The following DAB1 variants were observed in gnomAD, a reference collection of about 807,000 sequenced individuals.
DAB1 encodes the protein DAB adaptor protein 1.
In DAB1, 15 loss-of-function variants were observed where a neutral mutation model predicts 64.6. The ratio of observed to expected loss-of-function variants is 0.23; its 90% CI spans 0.16 to 0.36. The LOEUF (loss-of-function observed/expected upper bound fraction) is 0.36, where lower values mean the gene tolerates loss of function less well. DAB1 is among the 10% of genes least tolerant of loss of function. The probability of loss-of-function intolerance (pLI) is 1.00; values close to 1 mark genes in which losing one functional copy is unlikely to be tolerated. For missense variants in DAB1, 596 were observed against 706.7 expected (o/e 0.84, Z 1.78); for synonymous variants, 235 against 251.9 (o/e 0.93, Z 0.64).
chr1:57,652,958 T>C (rs1012462010), intron 6 of DAB1, among the ~76,000 whole-genome samples: 18 of 152,318 alleles, frequency 1.2e-4, no homozygotes, highest in Admixed American at 6.5e-5. Flanking sequence ...AGTTTACAAT[T>C]TTACCTTGTT....
intron 7 of DAB1, among the ~76,000 whole-genome samples, chr1:57,615,987 A>G (rs1486830394): frequency 2.6e-5 from 4 of 152,172 alleles, no homozygotes; most frequent in Admixed American, 2.0e-4. Context: ...CTAGAATAGT[A>G]AGGGTACTAA....
chr1:57,178,788 T>C (rs1662603590), intron 2 of DAB1, among the ~76,000 whole-genome samples: 1 of 151,890 alleles, frequency 6.6e-6, no homozygotes, highest in Non-Finnish European at 1.5e-5. Context: ...ATCTGTATTA[T>C]AAAATAAATG....
intron 5 of DAB1, among the ~76,000 whole-genome samples, chr1:57,894,822 T>A (rs1238821881): frequency 2.6e-5 from 4 of 152,096 alleles, no homozygotes; most frequent in Non-Finnish European, 4.4e-5. Flanking sequence ...ACCCAAGGGT[T>A]TGTAGAGGGT....
At chr1:57,766,821 G>GTCTTCCCTAGGCAACACACTCTTCTC (rs1649333910) in intron 6 of DAB1, among the ~76,000 whole-genome samples, 2 of 152,148 alleles carry the variant, frequency 1.3e-5, no homozygotes, top group Non-Finnish European at 2.9e-5. Flanking sequence ...ACGCTCTTCT[G>GTCTTCCCTAGGCAACACACTCTTCTC]TCTAACTTGG....
chr1:57,276,087 A>G (rs369157428), intron 2 of DAB1, among the ~76,000 whole-genome samples: 5 of 152,268 alleles, frequency 3.3e-5, no homozygotes, highest in African/African-American at 1.2e-4. Flanking sequence ...TGTGAGGTTT[A>G]GTGAAAAAGT....
At chr1:58,399,202 G>A (rs1466966164) in intron 3 of DAB1, among the ~76,000 whole-genome samples, 1 of 152,236 alleles carries the variant, frequency 6.6e-6, no homozygotes, top group Non-Finnish European at 1.5e-5. Context: ...TCTGTATAGT[G>A]CTTTGAAGTG....
At chr1:57,337,765 C>T (rs994460774) in intron 1 of DAB1, among the ~76,000 whole-genome samples, 26 of 152,114 alleles carry the variant, frequency 1.7e-4, no homozygotes, top group Admixed American at 1.7e-3. Flanking sequence ...ACTGCTGGGG[C>T]TTCCCTGCTC....
chr1:58,146,353 A>G (rs918224453), intron 5 of DAB1, among the ~76,000 whole-genome samples: 1 of 152,166 alleles, frequency 6.6e-6, no homozygotes, highest in Admixed American at 6.5e-5. Context: ...GTGTGCATGT[A>G]TGTGTGTGAG....
At chr1:57,030,657 C>G (rs1285868504) in intron 9 of DAB1, among the ~76,000 whole-genome samples, 2 of 152,230 alleles carry the variant, frequency 1.3e-5, no homozygotes, top group African/African-American at 4.8e-5. Flanking sequence ...CTCTTTCATA[C>G]AGTAACAGCC....
At chr1:58,162,243 C>T (rs2100751076) in intron 4 of DAB1, among the ~76,000 whole-genome samples, 1 of 152,290 alleles carries the variant, frequency 6.6e-6, no homozygotes, top group East Asian at 1.9e-4. Flanking sequence ...TGACAACGAT[C>T]CTGTCAAACC....
chr1:57,494,041 T>A (rs1644199359), intron 7 of DAB1, among the ~76,000 whole-genome samples: 1 of 152,162 alleles, frequency 6.6e-6, no homozygotes, highest in Non-Finnish European at 1.5e-5. Context: ...GGGGGTCTGG[T>A]GTGAGAATTA....
At chr1:58,329,996 A>G (rs536396967) in intron 4 of DAB1, among the ~76,000 whole-genome samples, 7 of 152,278 alleles carry the variant, frequency 4.6e-5, no homozygotes, top group African/African-American at 1.7e-4. Context: ...CTCACTTTAA[A>G]TCAAAAGCTG....
rs555549480 is a variant in DAB1 at position 57,731,938 on chromosome 1, T to C, written n.552-82273A>G. 3.9e-5 allele frequency among the ~76,000 whole-genome samples: 6 copies of C among 152,296 alleles called. No individual in the cohort carries two copies. The South Asian group carries it at 1.2e-3, about 32-fold the overall frequency. On this transcript the variant is annotated intron_variant and non_coding_transcript_variant, in intron 6 of 20. Transcript: ENST00000485760. ...AATTATCTTTCCTTCTTCATAATAA[T>C]ATGCATCCGAGCAAGGGACCAACTG... is the stretch of plus-strand genomic sequence containing the variant.
chr1:57,658,249 G>C (rs1646341086), intron 6 of DAB1, among the ~76,000 whole-genome samples: 1 of 151,338 alleles, frequency 6.6e-6, no homozygotes, highest in Admixed American at 6.6e-5. Flanking sequence ...CAATGTCCCA[G>C]TGTCTATCGT....
chr1:57,796,536 A>G (rs1030884074), intron 6 of DAB1, among the ~76,000 whole-genome samples: 3 of 145,332 alleles, frequency 2.1e-5, no homozygotes, highest in Non-Finnish European at 1.5e-5. Context: ...CAATAATAAC[A>G]ATGATAATAA....
intron 5 of DAB1, among the ~76,000 whole-genome samples, chr1:57,929,303 T>A (rs1644922832): frequency 6.6e-6 from 1 of 152,274 alleles, no homozygotes; most frequent in South Asian, 2.1e-4. Context: ...TATTGAGTGT[T>A]AAGACTTCTT....
At chr1:57,592,360 T>G (rs1003490043) in intron 7 of DAB1, among the ~76,000 whole-genome samples, 8 of 152,106 alleles carry the variant, frequency 5.3e-5, no homozygotes, top group Non-Finnish European at 8.8e-5. Context: ...CTCAAGGACT[T>G]TAGAACCGGA....
chr1:57,969,223 C>T (rs1227425606), intron 5 of DAB1, among the ~76,000 whole-genome samples: 3 of 152,008 alleles, frequency 2.0e-5, no homozygotes, highest in Non-Finnish European at 2.9e-5. Context: ...ATATGAATGC[C>T]ATCAAATATT....
At chr1:58,211,970 C>T (rs1658573635) in intron 4 of DAB1, among the ~76,000 whole-genome samples, 1 of 152,136 alleles carries the variant, frequency 6.6e-6, no homozygotes, top group Admixed American at 6.6e-5. Context: ...ATTTCACAAC[C>T]TTACAAAATA....
Sources: allele counts gnomAD v4.1 joint callset (sites outside exome capture counted in the v4.1 genomes callset), GRCh38; gene constraint gnomAD v4.1.1; transcripts MANE v1.5; gene names NCBI Gene and HGNC (gene_info 2026-07-23, HGNC 2026-07-21).